TSNARE1: variants seen among roughly 807,000 people sequenced by gnomAD.
TSNARE1 encodes t-SNARE domain-containing protein 1.
TSNARE1 carries 49 observed loss-of-function variants against 62.0 expected under a neutral mutation model. The ratio of observed to expected loss-of-function variants is 0.79; its 90% CI spans 0.63 to 1.00. The LOEUF is 1.00. Among genes scored for constraint, TSNARE1 ranks in the 50% least tolerant of loss-of-function variants. The probability of loss-of-function intolerance (pLI) is 0.00; values close to 1 mark genes in which losing one functional copy is unlikely to be tolerated. For synonymous variants in TSNARE1, 328 were observed against 294.4 expected (o/e 1.11, Z -1.17); for missense variants, 755 against 700.1 (o/e 1.08, Z -0.88).
At chr8:142,361,050 G>T (rs1835116730) in intron 1 of TSNARE1, among the ~76,000 whole-genome samples, 1 of 152,218 alleles carries the variant, frequency 6.6e-6, no homozygotes, top group Non-Finnish European at 1.5e-5. Context: ...CCTCAGCCTG[G>T]CTTGAGAGCA....
intron 11 of TSNARE1, among the ~76,000 whole-genome samples, chr8:142,282,138 CCT>C (rs1821596958): frequency 6.6e-6 from 1 of 152,198 alleles, no homozygotes; most frequent in Admixed American, 6.5e-5. Context: ...CGGTGCAGCC[CCT>C]CTTCTCGTGG....
rs763583528 is a variant in TSNARE1 at position 142,395,362 on chromosome 8, C to T, written c.-40+7742G>A. Among the ~76,000 whole-genome samples the T allele has an allele frequency of 6.3e-4, 96 of 152,232 alleles. 1 individual carries two copies. Among genetic ancestry groups the T allele is most frequent in the South Asian group, 6.2e-4 (3 of 4,828 alleles). On this transcript the variant is annotated intron_variant, in intron 1 of 13. Coordinates refer to ENST00000524325, the MANE Select transcript of TSNARE1 (RefSeq NM_145003.5). Reference sequence around the variant, plus strand: ...ATGAGGGGATGGGGCTGACTCCTGACGGCGTCCCCCAGCGGAGACTTCAAC... The same window carrying T: ...ATGAGGGGATGGGGCTGACTCCTGATGGCGTCCCCCAGCGGAGACTTCAAC...
intron 12 of TSNARE1, among the ~76,000 whole-genome samples, chr8:142,248,562 G>T (rs2130257208): frequency 6.6e-6 from 1 of 152,346 alleles, no homozygotes; most frequent in South Asian, 2.1e-4. Context: ...GCTGCCCTGT[G>T]GGGCCGGCTC....
In TSNARE1 at chr8:142,372,537, A is replaced by G. The variant is rs950849695; in HGVS notation, c.-39-17774T>C. 1.6e-4 allele frequency among the ~76,000 whole-genome samples: 24 copies of G among 152,216 alleles called. No homozygotes were observed. In the South Asian group the frequency reaches 2.1e-3, roughly 13 times the overall value. ...GGGACAGACAGAGGCTGCGGGGTGG[A>G]GCGGGGGTGCTGGCTTCCCTCACCC... On this transcript the variant is annotated intron_variant, in intron 1 of 13. Transcript: ENST00000524325.
rs368558450 is a variant in TSNARE1, at chr8:142,381,473, C to A, written c.-40+21631G>T. 2.0e-3 allele frequency among the ~76,000 whole-genome samples: 299 copies of A among 152,236 alleles called. 3 individuals carry two copies. The highest frequency in any genetic ancestry group is 6.9e-3 in the African/African-American group (287 of 41,536). ...CCTTGCTAAAACCTATCAGCGCCCC[C>A]CCCCACCCCACCAAGCACAAGGGTG... On this transcript the variant is annotated intron_variant, in intron 1 of 13. Coordinates refer to ENST00000524325, the MANE Select transcript of TSNARE1 (RefSeq NM_145003.5).
chr8:142,314,922 A>G, intron 8 of TSNARE1, 81 bp downstream of exon 8: 1 of 1,360,714 alleles, frequency 7.3e-7, no homozygotes, highest in Non-Finnish European at 1.1e-6. Context: ...CACAGGGACA[A>G]GACAGCCATG....
chr8:142,393,873 C>T (rs1008050847), intron 1 of TSNARE1, among the ~76,000 whole-genome samples: 4 of 152,226 alleles, frequency 2.6e-5, no homozygotes, highest in South Asian at 2.1e-4. Flanking sequence ...TCTCCTCCCT[C>T]GGGGAGTGTG....
chr8:142,346,318 T>G (rs895481554), intron 2 of TSNARE1, among the ~76,000 whole-genome samples: 5 of 152,192 alleles, frequency 3.3e-5, no homozygotes, highest in Non-Finnish European at 7.3e-5. Flanking sequence ...AAAGTGCCAC[T>G]CCGTAGCGTA....
At chr8:142,377,997 C>G (rs563211444) in intron 1 of TSNARE1, among the ~76,000 whole-genome samples, 2 of 152,340 alleles carry the variant, frequency 1.3e-5, no homozygotes, top group South Asian at 4.1e-4. Context: ...ACAGCCATCC[C>G]ACACAGGGAT....
intron 12 of TSNARE1, among the ~76,000 whole-genome samples, chr8:142,236,773 CAATT>C (rs1414203221): frequency 2.0e-5 from 3 of 152,166 alleles, no homozygotes; most frequent in Non-Finnish European, 4.4e-5. Flanking sequence ...TGTTGCGTAT[CAATT>C]AGTTAATCGG....
rs1563942607 is a variant in TSNARE1 at position 142,338,541 on chromosome 8, GGACCACTGGGCAAGCTGACAGGCTGCCTC to G, written c.745+5396_745+5424del. On this transcript the variant is annotated intron_variant, in intron 4 of 13. Coordinates refer to ENST00000524325, the MANE Select transcript of TSNARE1 (RefSeq NM_145003.5). ...CACTGGGCAAGCTGACAGGCTGCCTGGACCACTGGGCAAGCTGACAGGCTGCCTCGACCACTGGGCAAGCTGACAGGCTG... is the reference window on the plus strand; with the variant it reads ...CACTGGGCAAGCTGACAGGCTGCCTGGACCACTGGGCAAGCTGACAGGCTG... 9.2e-5 allele frequency among the ~76,000 whole-genome samples: 13 copies of G among 141,090 alleles called. No homozygotes were observed. The South Asian group carries it at 1.2e-3, about 13-fold the overall frequency. 92.6% of individuals were successfully genotyped at this position (141,090 alleles called of 152,430 possible). A position where few individuals can be genotyped will look rare whatever the true frequency, so the allele number is the denominator to read the frequency against.
chr8:142,249,506 G>A (rs1360360616), intron 12 of TSNARE1, among the ~76,000 whole-genome samples: 2 of 152,186 alleles, frequency 1.3e-5, no homozygotes, highest in East Asian at 1.9e-4. Flanking sequence ...CTGGGCAGAG[G>A]CTAAAGGAAG....
At chr8:142,321,589 C>T (rs1289181640) in intron 6 of TSNARE1, among the ~76,000 whole-genome samples, 1 of 152,062 alleles carries the variant, frequency 6.6e-6, no homozygotes, top group African/African-American at 2.4e-5. Context: ...GGAAAAAAAC[C>T]ACACTTGCAA....
chr8:142,406,846 G>A (rs2131561567), upstream of TSNARE1: 1 of 152,294 alleles, frequency 6.6e-6, no homozygotes, highest in Admixed American at 6.5e-5. Context: ...GGAGTCTCTG[G>A]GAAGGGCCTG....
rs1281367489 is a variant in TSNARE1, at chr8:142,291,650, T to C, written c.1291-7165A>G. 1.3e-5 allele frequency among the ~76,000 whole-genome samples: 2 copies of C among 152,190 alleles called. No homozygotes were observed. The highest frequency in any genetic ancestry group is 2.4e-5 in the African/African-American group (1 of 41,460). On this transcript the variant is annotated intron_variant, in intron 10 of 13. Transcript: ENST00000524325. The surrounding 1 kb of genome is among the most constrained non-coding windows in gnomAD (Gnocchi z 4.8). ...ACGTGACGGGAACAGGCAACGCCGT[T>C]GCCTCCGCGGGCTTACGCTCGAGTG...
intron 12 of TSNARE1, among the ~76,000 whole-genome samples, chr8:142,239,508 A>C (rs759058474): frequency 4.6e-5 from 7 of 152,284 alleles, no homozygotes; most frequent in African/African-American, 2.4e-5. Flanking sequence ...GCAACATTTC[A>C]AGGGAAACAA....
At chr8:142,232,192 A>T (rs959460534) in intron 12 of TSNARE1, among the ~76,000 whole-genome samples, 2 of 152,170 alleles carry the variant, frequency 1.3e-5, no homozygotes, top group Non-Finnish European at 2.9e-5. Context: ...ATGCTGGAGG[A>T]GCTGGTGCAT....
chr8:142,361,400 G>A (rs772740133), intron 1 of TSNARE1, among the ~76,000 whole-genome samples: 2 of 152,154 alleles, frequency 1.3e-5, no homozygotes, highest in South Asian at 2.1e-4. Context: ...CGGGCTCCTC[G>A]GGCGAGCCCA....
intron 5 of TSNARE1, among the ~76,000 whole-genome samples, 197 bp downstream of exon 5, chr8:142,331,552 GACTGC>G (rs1831035739): frequency 6.6e-6 from 1 of 152,206 alleles, no homozygotes; most frequent in African/African-American, 2.4e-5. Context: ...TGAAACCCGG[GACTGC>G]ACTGCAGGAC....
Sources: gnomAD v4.1 joint callset for allele counts (sites outside exome capture counted in the v4.1 genomes callset) on GRCh38, gnomAD v4.1.1 for gene constraint, Gnocchi (gnomAD v3.1) non-coding constraint, MANE v1.5 for transcripts, NCBI Gene and HGNC (gene_info 2026-07-23, HGNC 2026-07-21) for gene names.